Variants in SDK1 observed in about 807,000 individuals in gnomAD.
SDK1 encodes protein sidekick-1.
SDK1 carries 157 observed loss-of-function variants against 245.5 expected under a neutral mutation model. The observed-to-expected ratio is 0.64, with a 90% CI of 0.56 to 0.73. SDK1 has a LOEUF of 0.73. Among genes scored for constraint, SDK1 ranks in the 30% least tolerant of loss-of-function variants. The pLI is 0.00. For synonymous variants in SDK1, 1,647 were observed against 1,278.5 expected, an observed-to-expected ratio of 1.29 and a Z score of -6.15; for missense variants, 3,583 against 3,002.3, an observed-to-expected ratio of 1.19 and a Z score of -4.52.
intron 1 of SDK1, among the ~76,000 whole-genome samples, chr7:3,456,883 C>G (rs1002647037): frequency 5.9e-5 from 9 of 152,206 alleles, no homozygotes; most frequent in African/African-American, 2.2e-4. Context: ...CAGGTTCTGG[C>G]CTGCTTTTGT....
At chr7:4,049,823 AG>A (rs1789306057) in intron 18 of SDK1, among the ~76,000 whole-genome samples, 2 of 152,176 alleles carry the variant, frequency 1.3e-5, no homozygotes, top group Admixed American at 6.5e-5. Flanking sequence ...CCCCGAGCAA[AG>A]GGAATGGTGT....
intron 4 of SDK1, among the ~76,000 whole-genome samples, chr7:3,692,077 A>G (rs1284939663): frequency 2.0e-5 from 3 of 152,012 alleles, no homozygotes; most frequent in Non-Finnish European, 2.9e-5. Flanking sequence ...TATGCTTCCT[A>G]CTCTCATTTA....
intron 1 of SDK1, among the ~76,000 whole-genome samples, chr7:3,471,397 C>T (rs934178239): frequency 4.6e-5 from 7 of 152,114 alleles, no homozygotes; most frequent in Non-Finnish European, 7.4e-5. Flanking sequence ...TTATTTCTTT[C>T]TGCAAAATCA....
intron 17 of SDK1, among the ~76,000 whole-genome samples, chr7:4,044,920 T>A (rs1471754592): frequency 6.6e-6 from 1 of 152,204 alleles, no homozygotes; most frequent in Non-Finnish European, 1.5e-5. Context: ...TTTGTGCTTT[T>A]ATATTCACCC....
intron 4 of SDK1, among the ~76,000 whole-genome samples, chr7:3,650,350 C>G (rs971753771): frequency 6.6e-6 from 1 of 152,222 alleles, no homozygotes; most frequent in Non-Finnish European, 1.5e-5. Flanking sequence ...TTAAACATAA[C>G]TCCCCACTCC....
intron 5 of SDK1, among the ~76,000 whole-genome samples, chr7:3,888,715 A>G (rs1325088582): frequency 6.6e-6 from 1 of 152,222 alleles, no homozygotes; most frequent in Non-Finnish European, 1.5e-5. Flanking sequence ...TTTCATTTTT[A>G]ACATTGTTCA....
At chr7:3,597,176 G>T (rs1781094606) in intron 1 of SDK1, among the ~76,000 whole-genome samples, 1 of 151,464 alleles carries the variant, frequency 6.6e-6, no homozygotes, top group African/African-American at 2.4e-5. Flanking sequence ...GGAGGCCGAG[G>T]CAGGAGAATG....
chr7:3,579,444 G>T (rs1780412465), intron 1 of SDK1, among the ~76,000 whole-genome samples: 1 of 152,116 alleles, frequency 6.6e-6, no homozygotes, highest in Admixed American at 6.5e-5. Flanking sequence ...ATCTCAATAG[G>T]TGCAGAAAAG....
chr7:3,598,495 G>A (rs1051499866), intron 1 of SDK1, among the ~76,000 whole-genome samples: 11 of 152,136 alleles, frequency 7.2e-5, no homozygotes, highest in Admixed American at 2.6e-4. Context: ...ATGGTAACAT[G>A]TTACAAAAGT....
At chr7:3,568,076 C>G (rs921921109) in intron 1 of SDK1, among the ~76,000 whole-genome samples, 2 of 152,200 alleles carry the variant, frequency 1.3e-5, no homozygotes, top group African/African-American at 2.4e-5. Flanking sequence ...CCACCTTAGC[C>G]TCACAAAGTG....
intron 1 of SDK1, among the ~76,000 whole-genome samples, chr7:3,530,810 T>A (rs1783318540): frequency 6.6e-6 from 1 of 152,192 alleles, no homozygotes; most frequent in African/African-American, 2.4e-5. Flanking sequence ...ATTTCATCTG[T>A]GAAACAATTT....
chr7:3,997,165 T>C (rs1309322589), intron 14 of SDK1, among the ~76,000 whole-genome samples: 1 of 152,186 alleles, frequency 6.6e-6, no homozygotes, highest in East Asian at 1.9e-4. Flanking sequence ...TGTTACGGGA[T>C]CTTTGGAGTG....
intron 1 of SDK1, among the ~76,000 whole-genome samples, chr7:3,606,240 C>T (rs960227857): frequency 3.9e-5 from 6 of 152,116 alleles, no homozygotes; most frequent in African/African-American, 1.4e-4. Flanking sequence ...TTCTCTTATG[C>T]TTCACCCTTA....
At chr7:3,984,426 C>T (rs1783659331) in intron 13 of SDK1, among the ~76,000 whole-genome samples, 1 of 152,170 alleles carries the variant, frequency 6.6e-6, no homozygotes, top group Admixed American at 6.5e-5. Context: ...GCCGCATTTT[C>T]ACCTCTGTGA....
chr7:3,503,076 C>G (rs1041930629), intron 1 of SDK1, among the ~76,000 whole-genome samples: 1 of 152,162 alleles, frequency 6.6e-6, no homozygotes, highest in African/African-American at 2.4e-5. Context: ...TTTTAGATTA[C>G]TTTTAATTAA....
At chr7:3,538,780 C>G (rs1275936058) in intron 1 of SDK1, among the ~76,000 whole-genome samples, 1 of 152,214 alleles carries the variant, frequency 6.6e-6, no homozygotes, top group East Asian at 1.9e-4. Context: ...AAGGCCCATT[C>G]AGGCCCAGAT....
At chr7:3,388,389 TA>T (rs1196856397) in intron 1 of SDK1, among the ~76,000 whole-genome samples, 4,789 of 142,634 alleles carry the variant, frequency 0.034, 259 homozygotes, top group African/African-American at 0.11. Context: ...GATTGAAGAT[TA>T]AAAAAAAAAA....
intron 38 of SDK1, among the ~76,000 whole-genome samples, chr7:4,211,843 T>C (rs1784530411): frequency 6.6e-6 from 1 of 152,132 alleles, no homozygotes; most frequent in South Asian, 2.1e-4. Flanking sequence ...TCTCCTAACC[T>C]CGTGATCCAC....
chr7:3,422,010 A>G (rs1372144263), intron 1 of SDK1, among the ~76,000 whole-genome samples: 1 of 152,160 alleles, frequency 6.6e-6, no homozygotes, highest in African/African-American at 2.4e-5. Flanking sequence ...GAGAGGGGGA[A>G]TTAAATAGCA....
Sources: allele counts gnomAD v4.1 joint callset (sites outside exome capture counted in the v4.1 genomes callset), GRCh38; gene constraint gnomAD v4.1.1; transcripts MANE v1.5; gene names NCBI Gene and HGNC (gene_info 2026-07-23, HGNC 2026-07-21).